Variants in UHMK1 observed in about 807,000 individuals in gnomAD.
The protein encoded by UHMK1 is serine/threonine-protein kinase Kist.
A neutral mutation model predicts 44.0 loss-of-function variants in UHMK1; 18 were observed. That is an observed-to-expected ratio of 0.41 (90% CI 0.28 to 0.61). UHMK1 has a LOEUF of 0.61. UHMK1 is among the 20% of genes least tolerant of loss of function. UHMK1 has a pLI of 0.31. For missense variants in UHMK1, 463 were observed against 522.5 expected (o/e 0.89, Z 1.11); for synonymous variants, 231 against 198.5 (o/e 1.16, Z -1.38).
intron 3 of UHMK1, among the ~76,000 whole-genome samples, chr1:162,503,381 G>T (rs1267409154): frequency 2.0e-5 from 3 of 151,976 alleles, no homozygotes; most frequent in African/African-American, 7.3e-5. Context: ...AGGCCACGGT[G>T]GGCAGATCAC....
intron 4 of UHMK1, among the ~76,000 whole-genome samples, chr1:162,510,876 G>T (rs1190887357): frequency 6.6e-6 from 1 of 151,632 alleles, no homozygotes; most frequent in African/African-American, 2.4e-5. Context: ...TTTTTAAGGG[G>T]CCTCCATACT....
At chr1:162,504,273 A>G (rs1476955454) in intron 4 of UHMK1, among the ~76,000 whole-genome samples, 2 of 152,154 alleles carry the variant, frequency 1.3e-5, no homozygotes, top group Non-Finnish European at 2.9e-5. Context: ...GGGGACAGAT[A>G]CAGTTTTTCT....
intron 4 of UHMK1, among the ~76,000 whole-genome samples, chr1:162,505,097 A>T (rs993300938): frequency 6.6e-6 from 1 of 152,206 alleles, no homozygotes; most frequent in African/African-American, 2.4e-5. Context: ...CTTCTATAAT[A>T]AATTAGCTTA....
chr1:162,517,946 A>T (rs1651897135), intron 6 of UHMK1, among the ~76,000 whole-genome samples, 156 bp from the exon 7 acceptor site: 1 of 152,178 alleles, frequency 6.6e-6, no homozygotes, highest in South Asian at 2.1e-4. Flanking sequence ...ACTATTATTT[A>T]TAATTTTGAA....
chr1:162,506,223 GCC>G (rs3035616), intron 4 of UHMK1, among the ~76,000 whole-genome samples: 38,342 of 121,344 alleles, frequency 0.32, 6,199 homozygotes, highest in African/African-American at 0.39. Context: ...TTAAATAATA[GCC>G]CCCCCCCCCC....
At chr1:162,515,890 C>G (rs543568486) in intron 6 of UHMK1, among the ~76,000 whole-genome samples, 1 of 151,946 alleles carries the variant, frequency 6.6e-6, no homozygotes, top group African/African-American at 2.4e-5. Flanking sequence ...AAAAATTAGC[C>G]GGGCGTGGTG....
At position 162,500,210 on chromosome 1, in the gene UHMK1, T is replaced by C. The variant is rs1190899532; in HGVS notation, c.524T>C (p.Leu175Pro). The C allele has an allele frequency of 6.2e-7, 1 of 1,613,414 alleles. No homozygotes were observed. Among genetic ancestry groups the C allele is most frequent in the East Asian group, 2.2e-5 (1 of 44,872 alleles). Residue 175 changes from leucine to proline, a missense_variant, in exon 2 of 8, where the codon CTC (leucine) becomes CCC (proline). This residue lies in a region of UHMK1 where 264 missense variants were observed against 326.3 expected (regional missense o/e 0.81). Coordinates refer to ENST00000489294, the MANE Select transcript of UHMK1 (RefSeq NM_175866.5). ...AGTGCAGAGAATGAATGTTTTAAAC[T>C]CATTGACTTTGGACTTAGCTTCAAA... ...LWSAENECFK[L>P]IDFGLSFKEG... is the part of the protein sequence containing the mutation.
At chr1:162,502,318 G>A (rs750069178) in intron 3 of UHMK1, among the ~76,000 whole-genome samples, 2 of 152,090 alleles carry the variant, frequency 1.3e-5, no homozygotes, top group Non-Finnish European at 2.9e-5. Context: ...ATATAGTTTT[G>A]TTTCTTTTAA....
intron 7 of UHMK1, among the ~76,000 whole-genome samples, chr1:162,518,988 CAA>C (rs35054031): frequency 2.7e-3 from 286 of 105,014 alleles, no homozygotes; most frequent in African/African-American, 8.0e-3. Context: ...GACTCCATCT[CAA>C]AAAAAAAAAA....
rs930516940 is a variant in UHMK1 at position 162,528,252 on chromosome 1, T to G, written c.*5702T>G. On this transcript the variant is annotated 3_prime_UTR_variant, in exon 8 of 8. Coordinates refer to ENST00000489294, the MANE Select transcript of UHMK1 (RefSeq NM_175866.5). ...ATTTTAAGAGTAAAGAGGAGAGAGA[T>G]AAGTAATAAAAATAGAGGAGGGGAA... 2.6e-5 allele frequency: 4 copies of G among 151,950 alleles called. No individual in the cohort carries two copies. The highest frequency in any genetic ancestry group is 9.7e-5 in the African/African-American group (4 of 41,394). The allele number at this position is 151,950 out of a possible 1,614,324, so 9.4% of individuals were successfully genotyped here. A position where few individuals can be genotyped will look rare whatever the true frequency, so the allele number is the denominator to read the frequency against.
chr1:162,500,331 G>A (rs1421797433), intron 2 of UHMK1, 84 bp downstream of exon 2: 5 of 1,454,688 alleles, frequency 3.4e-6, no homozygotes, highest in Non-Finnish European at 3.7e-6. Context: ...GGGTAGTTTA[G>A]TAGGGGCTTA....
intron 1 of UHMK1, 64 bp downstream of exon 1, chr1:162,498,332 G>T (rs1651141024): frequency 3.3e-6 from 5 of 1,505,162 alleles, no homozygotes; most frequent in Non-Finnish European, 4.5e-6. Context: ...TCTTCCTCTC[G>T]CTGTCTGGCG....
chr1:162,514,126 A>G (rs562448089), intron 6 of UHMK1, among the ~76,000 whole-genome samples: 3 of 152,208 alleles, frequency 2.0e-5, no homozygotes, highest in Admixed American at 6.5e-5. Flanking sequence ...TTAAGAGTGT[A>G]GGCTTAACAA....
rs915322387 is a variant in UHMK1, at chr1:162,523,322, C to G, written c.*772C>G. 14 of 152,362 alleles carry G rather than the reference C, an allele frequency of 9.2e-5. No individual in the cohort carries two copies. Among genetic ancestry groups the G allele is most frequent in the Non-Finnish European group, 1.6e-4 (11 of 67,994 alleles). 9.4% of individuals were successfully genotyped at this position (152,362 alleles called of 1,614,324 possible). A position where few individuals can be genotyped will look rare whatever the true frequency, so the allele number is the denominator to read the frequency against. On this transcript the variant is annotated 3_prime_UTR_variant, in exon 8 of 8. Coordinates refer to ENST00000489294, the MANE Select transcript of UHMK1 (RefSeq NM_175866.5). ...ATTTCTTCCCTACCTGTTTCACATC[C>G]GTAAGATTTAAGATATACATTTTTT... is the stretch of plus-strand genomic sequence containing the variant.
chr1:162,521,829 G>T (rs1164513828), intron 7 of UHMK1, among the ~76,000 whole-genome samples: 1 of 152,148 alleles, frequency 6.6e-6, no homozygotes, highest in African/African-American at 2.4e-5. Context: ...CGGTTTCACC[G>T]TGTTCGTCAG....
At chr1:162,512,861 TTAAA>T (rs761731990) in intron 6 of UHMK1, 38 bp downstream of exon 6, 12 of 1,565,122 alleles carry the variant, frequency 7.7e-6, no homozygotes, top group Non-Finnish European at 1.1e-5. Flanking sequence ...TGTGTCTTTC[TTAAA>T]TAAGTCTAGA....
Position 162,524,491 on chromosome 1 carries a change from A to G in UHMK1, c.*1941A>G, listed in dbSNP as rs1652169970. On this transcript the variant is annotated 3_prime_UTR_variant, in exon 8 of 8. Transcript: ENST00000489294. ...AGTGGGCAGAACCCGTATTGTGAAGACCTAAACTTTCCTAAATGTTCATAT... is the reference window on the plus strand; with the variant it reads ...AGTGGGCAGAACCCGTATTGTGAAGGCCTAAACTTTCCTAAATGTTCATAT... 1 of 152,150 alleles carries G rather than the reference A, an allele frequency of 6.6e-6. No individual in the cohort carries two copies. The highest frequency in any genetic ancestry group is 1.5e-5 in the Non-Finnish European group (1 of 68,028). 9.4% of individuals were successfully genotyped at this position (152,150 alleles called of 1,614,324 possible).
At chr1:162,507,845 C>A (rs902219266) in intron 4 of UHMK1, among the ~76,000 whole-genome samples, 1 of 152,018 alleles carries the variant, frequency 6.6e-6, no homozygotes, top group Non-Finnish European at 1.5e-5. Context: ...TTCGGCCTCC[C>A]CAAATGTTGT....
chr1:162,511,767 A>G (rs1389464459), intron 4 of UHMK1, among the ~76,000 whole-genome samples: 1 of 152,176 alleles, frequency 6.6e-6, no homozygotes, highest in African/African-American at 2.4e-5. Flanking sequence ...ATTTTTGTGT[A>G]GGTCAGAGAT....
Sources: allele counts gnomAD v4.1 joint callset (sites outside exome capture counted in the v4.1 genomes callset), GRCh38; gene constraint gnomAD v4.1.1; regional missense constraint gnomAD v4.1.1; transcripts MANE v1.5; gene names NCBI Gene and HGNC (gene_info 2026-07-23, HGNC 2026-07-21).